PCDHGB6: variants seen among roughly 807,000 people sequenced by gnomAD.
The protein encoded by PCDHGB6 is protocadherin gamma-B6.
PCDHGB6 carries 51 observed loss-of-function variants against 59.1 expected under a neutral mutation model. The ratio of observed to expected loss-of-function variants is 0.86; its 90% CI spans 0.69 to 1.09. PCDHGB6 has a LOEUF of 1.09. Ranked by LOEUF, PCDHGB6 falls within the 50% of genes least tolerant of loss-of-function variation. PCDHGB6 has a pLI of 0.00. For missense variants in PCDHGB6, 1,148 were observed against 1,205.1 expected (o/e 0.95, Z 0.70); for synonymous variants, 466 against 495.1 (o/e 0.94, Z 0.78).
chr5:141,432,725 G>A lies in PCDHGB6; in HGVS notation c.2418+22105G>A, dbSNP rs755759587. The A allele has an allele frequency of 7.4e-6, 12 of 1,613,896 alleles. No individual in the cohort carries two copies. Among genetic ancestry groups the A allele is most frequent in the African/African-American group, 1.3e-5 (1 of 74,932 alleles). On this transcript the variant is annotated intron_variant, in intron 1 of 3. Transcript: ENST00000520790. This position sits in a 1 kb window ranked among gnomAD's most constrained non-coding sequence, Gnocchi z 6.0. ...GGACCACGGCCAGCCCCCTCTCTCC[G>A]CCACTGTCACGCTCACCGTGGCCGT...
chr5:141,414,624 G>A (rs764233527), intron 1 of PCDHGB6: 5 of 1,613,814 alleles, frequency 3.1e-6, no homozygotes, highest in African/African-American at 2.7e-5. Flanking sequence ...CGCTGGACCC[G>A]GACAGCAAAG....
Position 141,476,374 on chromosome 5 carries a change from G to A in PCDHGB6, c.2419-18433G>A. 1.2e-6 allele frequency: 2 copies of A among 1,614,178 alleles called. No individual in the cohort carries two copies. Among genetic ancestry groups the A allele is most frequent in the Non-Finnish European group, 1.7e-6 (2 of 1,180,044 alleles). On this transcript the variant is annotated intron_variant, in intron 1 of 3. Transcript: ENST00000520790. This position sits in a 1 kb window ranked among gnomAD's most constrained non-coding sequence, Gnocchi z 7.6. ...AGGTGAACCGGGAGACCGGAGAGATGTTTGTGAACGACCGTCTGGATCGAG... is the reference window on the plus strand; with the variant it reads ...AGGTGAACCGGGAGACCGGAGAGATATTTGTGAACGACCGTCTGGATCGAG...
At chr5:141,468,889 G>T (rs2099184580) in intron 1 of PCDHGB6, among the ~76,000 whole-genome samples, 1 of 151,496 alleles carries the variant, frequency 6.6e-6, no homozygotes, top group African/African-American at 2.4e-5. Flanking sequence ...ATAATAATAA[G>T]GTACTAATAT....
At position 141,459,173 on chromosome 5, in the gene PCDHGB6, AG is replaced by A. The variant is rs370401072; in HGVS notation, c.2419-35633del. Among the ~76,000 whole-genome samples the A allele has an allele frequency of 3.1e-3, 479 of 152,326 alleles. 10 individuals carry two copies. In the South Asian group the frequency reaches 0.063, roughly 20 times the overall value. ...ATAGAACATTTCTATAACCTTCAAA[AG>A]TTCCCTCATGCCCCTTTGCAATCAA... On this transcript the variant is annotated intron_variant, in intron 1 of 3. Coordinates refer to ENST00000520790, the MANE Select transcript of PCDHGB6 (RefSeq NM_018926.3).
chr5:141,428,057 G>C (rs766786963), intron 1 of PCDHGB6: 2 of 1,609,044 alleles, frequency 1.2e-6, no homozygotes, highest in East Asian at 2.2e-5. Flanking sequence ...AGGTGGTGGC[G>C]GTGGACGCAG....
chr5:141,500,501 G>T (rs571735791), intron 2 of PCDHGB6, among the ~76,000 whole-genome samples: 6 of 152,176 alleles, frequency 3.9e-5, no homozygotes, highest in Non-Finnish European at 8.8e-5. Context: ...GAGCCACCGC[G>T]CCTGGCCGAG....
chr5:141,432,808 C>T lies in PCDHGB6; in HGVS notation c.2418+22188C>T, dbSNP rs1473886709. ...TCGGCAGCCTCGAGTCTCCAGCTAA[C>T]TCTGAAACCTCAGACCTCACTCTGT... On this transcript the variant is annotated intron_variant, in intron 1 of 3. Transcript: ENST00000520790. This position sits in a 1 kb window ranked among gnomAD's most constrained non-coding sequence, Gnocchi z 6.0. 6.2e-7 allele frequency: 1 copy of T among 1,613,486 alleles called. No homozygotes were observed. Among genetic ancestry groups the T allele is most frequent in the African/African-American group, 1.3e-5 (1 of 74,426 alleles).
At chr5:141,413,221 G>C (rs1384304697) in intron 1 of PCDHGB6, 1 of 1,613,570 alleles carries the variant, frequency 6.2e-7, no homozygotes, top group South Asian at 1.1e-5. Context: ...GGATTGCAGC[G>C]GGCTGGTCCT....
At chr5:141,422,724 G>A (rs560544401) in intron 1 of PCDHGB6, 9 of 1,606,016 alleles carry the variant, frequency 5.6e-6, no homozygotes, top group East Asian at 2.2e-5. Flanking sequence ...CTGTCCAGGG[G>A]GTGCCTCTGT....
At chr5:141,440,165 A>G (rs935524872) in intron 1 of PCDHGB6, 2 of 152,300 alleles carry the variant, frequency 1.3e-5, no homozygotes, top group African/African-American at 4.8e-5. Flanking sequence ...AGCTTGGGCC[A>G]TAACGCTTTG....
At chr5:141,458,617 T>A (rs1392739721) in intron 1 of PCDHGB6, among the ~76,000 whole-genome samples, 6 of 152,170 alleles carry the variant, frequency 3.9e-5, no homozygotes, top group Non-Finnish European at 8.8e-5. Flanking sequence ...TCAGCCAGGC[T>A]GGAGTGCAGT....
At chr5:141,421,783 A>G in intron 1 of PCDHGB6, 1 of 1,613,882 alleles carries the variant, frequency 6.2e-7, no homozygotes, top group East Asian at 2.2e-5. Flanking sequence ...ACTGCGGGGC[A>G]GAACGGATGG....
intron 1 of PCDHGB6, among the ~76,000 whole-genome samples, chr5:141,433,559 G>A (rs2154555800): frequency 6.6e-6 from 1 of 152,212 alleles, no homozygotes; most frequent in Non-Finnish European, 1.5e-5. Context: ...TTTCTGGCTG[G>A]GCGCGGTGGC....
rs753664223 is a variant in PCDHGB6 at position 141,410,518 on chromosome 5, C to G, written c.2316C>G (p.Pro772=). 5.0e-6 allele frequency: 8 copies of G among 1,613,820 alleles called. No homozygotes were observed. In the East Asian group the frequency reaches 1.8e-4, roughly 36 times the overall value. Residue 772 remains proline (P), a synonymous_variant, in exon 1 of 4, where the codon CCC becomes CCG. Coordinates refer to ENST00000520790, the MANE Select transcript of PCDHGB6 (RefSeq NM_018926.3). ...KEFNFLKCSV[P]LHSNEDMVCS... ...TTAATTTCCTAAAATGCAGTGTGCC[C>G]CTACATTCCAATGAAGACATGGTTT...
chr5:141,432,369 A>G lies in PCDHGB6; in HGVS notation c.2418+21749A>G. 6.2e-7 allele frequency: 1 copy of G among 1,614,222 alleles called. No homozygotes were observed. The highest frequency in any genetic ancestry group is 1.1e-5 in the South Asian group (1 of 91,084). ...CAAGTGAAAGTGATGGCGCGGGACA[A>G]CGGGCACCCGCCCCTCAGCAGCAAC... On this transcript the variant is annotated intron_variant, in intron 1 of 3. Coordinates refer to ENST00000520790, the MANE Select transcript of PCDHGB6 (RefSeq NM_018926.3). The surrounding 1 kb of genome is among the most constrained non-coding windows in gnomAD (Gnocchi z 6.0).
intron 1 of PCDHGB6, chr5:141,492,046 AC>A (rs955983612): frequency 2.0e-6 from 1 of 494,316 alleles, no homozygotes; most frequent in African/African-American, 2.0e-5. Context: ...TCACAGATCC[AC>A]CCCTGCAGCC....
intron 1 of PCDHGB6, chr5:141,422,919 G>A (rs1445179310): frequency 3.7e-6 from 6 of 1,614,238 alleles, no homozygotes; most frequent in Non-Finnish European, 5.1e-6. Flanking sequence ...CCGAGATCCT[G>A]TACCCTGCCC....
chr5:141,450,831 T>TATTA (rs761717068), intron 1 of PCDHGB6, among the ~76,000 whole-genome samples: 2 of 144,580 alleles, frequency 1.4e-5, no homozygotes, highest in South Asian at 2.2e-4. Flanking sequence ...TTATTATTAT[T>TATTA]TTTTTTTTTT....
intron 2 of PCDHGB6, among the ~76,000 whole-genome samples, chr5:141,495,678 C>T (rs1340336428): frequency 6.6e-6 from 1 of 152,180 alleles, no homozygotes; most frequent in African/African-American, 2.4e-5. Context: ...CTGTGCCTGC[C>T]ATGGCATAAG....
Sources: allele counts gnomAD v4.1 joint callset (sites outside exome capture counted in the v4.1 genomes callset), GRCh38; gene constraint gnomAD v4.1.1; non-coding constraint Gnocchi (gnomAD v3.1); transcripts MANE v1.5; gene names NCBI Gene and HGNC (gene_info 2026-07-23, HGNC 2026-07-21).